The following TCF4 variants were observed in gnomAD, a reference collection of about 807,000 sequenced individuals.
The protein encoded by TCF4 is transcription factor 4, also known as SL3-3 enhancer factor 2.
In TCF4, 3 loss-of-function variants were observed where a neutral mutation model predicts 82.1. The ratio of observed to expected loss-of-function variants is 0.04; its 90% confidence interval spans 0.02 to 0.09. The LOEUF is 0.09. TCF4 is among the 10% of genes least tolerant of loss of function. The probability of loss-of-function intolerance (pLI) is 1.00; values close to 1 mark genes in which losing one functional copy is unlikely to be tolerated. For missense variants in TCF4, 518 were observed against 852.7 expected (o/e 0.61, Z 4.89); for synonymous variants, 276 against 309.6 (o/e 0.89, Z 1.14).
At chr18:55,366,122 G>A (rs2087043659) in intron 6 of TCF4, among the ~76,000 whole-genome samples, 1 of 151,672 alleles carries the variant, frequency 6.6e-6, no homozygotes, top group African/African-American at 2.4e-5. Flanking sequence ...TTATTTGAGG[G>A]GTTTAAAAAC....
At chr18:55,280,664 C>A (rs2062406768) in intron 8 of TCF4, among the ~76,000 whole-genome samples, 1 of 152,072 alleles carries the variant, frequency 6.6e-6, no homozygotes, top group Non-Finnish European at 1.5e-5. Flanking sequence ...TTGAAGCAGG[C>A]AGCGGCTCAC....
chr18:55,630,058 C>G (rs1374024527), intron 2 of TCF4, among the ~76,000 whole-genome samples: 2 of 152,082 alleles, frequency 1.3e-5, no homozygotes, highest in African/African-American at 4.8e-5. Context: ...TAATTTAAAC[C>G]ATTTTGAGCA....
intron 6 of TCF4, among the ~76,000 whole-genome samples, chr18:55,359,231 T>C (rs1283085603): frequency 6.6e-6 from 1 of 152,182 alleles, no homozygotes; most frequent in African/African-American, 2.4e-5. Context: ...TCTTTAATCT[T>C]GATCTCCACA....
Position 55,461,100 on chromosome 18 carries a change from T to C in TCF4, c.223A>G (p.Thr75Ala), listed in dbSNP as rs567398278. 2.7e-5 allele frequency: 43 copies of C among 1,612,604 alleles called. No individual in the cohort carries two copies. The South Asian group carries it at 4.3e-4, about 16-fold the overall frequency. ...CTGCTGGTCATGTGGTCATAGGGAGTCCCATCTCCATAGTTCTGTAAATAA... is the reference window on the plus strand; with the variant it reads ...CTGCTGGTCATGTGGTCATAGGGAGCCCCATCTCCATAGTTCTGTAAATAA... ...PSPSRNYGDGTPYDHMTSRDL... is the reference protein window; with the variant it reads ...PSPSRNYGDGAPYDHMTSRDL... The change falls in exon 5 of 20, where the codon ACT (threonine) becomes GCT (alanine). Residue 75 changes from threonine to alanine, a missense_variant. By Grantham distance (58) the Thr-to-Ala change is moderately conservative. Transcript: ENST00000354452.
At chr18:55,506,436 G>A (rs2096760842) in intron 3 of TCF4, among the ~76,000 whole-genome samples, 1 of 152,112 alleles carries the variant, frequency 6.6e-6, no homozygotes, top group South Asian at 2.1e-4. Flanking sequence ...TATTCAGATG[G>A]AATCATCCAA....
At chr18:55,528,412 AAT>A in intron 3 of TCF4, among the ~76,000 whole-genome samples, 1 of 152,318 alleles carries the variant, frequency 6.6e-6, no homozygotes, top group East Asian at 1.9e-4. Flanking sequence ...AAGTCTCTAT[AAT>A]ATACTGTGGA....
rs184961108 is a variant in TCF4, at chr18:55,426,975, C to G, written c.305-23457G>C. Among the ~76,000 whole-genome samples the G allele has an allele frequency of 5.0e-3, 763 of 152,176 alleles. 3 individuals carry two copies. Among genetic ancestry groups the G allele is most frequent in the Non-Finnish European group, 8.6e-3 (583 of 68,004 alleles). On this transcript the variant is annotated intron_variant, in intron 5 of 19. Coordinates refer to ENST00000354452, the MANE Select transcript of TCF4 (RefSeq NM_001083962.2). ...AATACAGTCTTTTACTTTTAAGGAGCTAAGGTTTCCTAGCTCCTGAATTAT... is the reference window on the plus strand; with the variant it reads ...AATACAGTCTTTTACTTTTAAGGAGGTAAGGTTTCCTAGCTCCTGAATTAT...
intron 1 of TCF4, among the ~76,000 whole-genome samples, chr18:55,587,760 A>G (rs571138302): frequency 6.6e-6 from 1 of 150,706 alleles, no homozygotes; most frequent in Non-Finnish European, 1.5e-5. Flanking sequence ...CTAATTGTCC[A>G]GCACCCTAAT....
At chr18:55,453,671 T>C (rs1457469802) in intron 5 of TCF4, among the ~76,000 whole-genome samples, 1 of 151,932 alleles carries the variant, frequency 6.6e-6, no homozygotes, top group African/African-American at 2.4e-5. Flanking sequence ...TATCACAGAG[T>C]AGGCCGGAAA....
intron 11 of TCF4, chr18:55,267,916 T>C (rs1273505477): frequency 6.6e-6 from 1 of 152,156 alleles, no homozygotes; most frequent in East Asian, 1.9e-4. Flanking sequence ...TCTCAGCATA[T>C]AGAAGTCACC....
chr18:55,450,311 T>C (rs1024958595), intron 5 of TCF4, among the ~76,000 whole-genome samples: 1 of 152,210 alleles, frequency 6.6e-6, no homozygotes, highest in African/African-American at 2.4e-5. Context: ...CAAATGATGC[T>C]TCCTTGCAAT....
Position 55,223,484 on chromosome 18 carries a change from C to T in TCF4, c.*4551G>A, listed in dbSNP as rs1323982659. 6.6e-6 allele frequency: 1 copy of T among 152,548 alleles called. No homozygotes were observed. The highest frequency in any genetic ancestry group is 1.5e-5 in the Non-Finnish European group (1 of 68,014). 9.4% of individuals were successfully genotyped at this position (152,548 alleles called of 1,614,324 possible). On this transcript the variant is annotated 3_prime_UTR_variant, in exon 20 of 20. Coordinates refer to ENST00000354452, the MANE Select transcript of TCF4 (RefSeq NM_001083962.2). ...AAATGGCACATTTATTGCTACAGAA[C>T]GGTCATGTACATGACTTCATCGAAT...
chr18:55,290,987 T>C (rs2064962219), intron 8 of TCF4, among the ~76,000 whole-genome samples: 1 of 152,218 alleles, frequency 6.6e-6, no homozygotes, highest in Admixed American at 6.5e-5. Flanking sequence ...AAAGTTCACA[T>C]CTTCATAGTA....
intron 2 of TCF4, among the ~76,000 whole-genome samples, chr18:55,620,444 A>C (rs541774062): frequency 6.6e-6 from 1 of 152,254 alleles, no homozygotes; most frequent in South Asian, 2.1e-4. Context: ...TGGTCTTGTG[A>C]GAGTACTGAG....
chr18:55,384,043 C>T (rs1173088247), intron 6 of TCF4: 2 of 152,230 alleles, frequency 1.3e-5, no homozygotes, highest in African/African-American at 2.4e-5. Flanking sequence ...CTAAGAAAGA[C>T]TCACAGTCAC....
intron 6 of TCF4, among the ~76,000 whole-genome samples, chr18:55,353,163 T>C (rs2082666645): frequency 6.6e-6 from 1 of 152,186 alleles, no homozygotes; most frequent in African/African-American, 2.4e-5. Flanking sequence ...ATTAAATGCA[T>C]TCAAGGGGTC....
At chr18:55,336,466 T>TA (rs1040734016) in intron 8 of TCF4, among the ~76,000 whole-genome samples, 1 of 152,120 alleles carries the variant, frequency 6.6e-6, no homozygotes, top group African/African-American at 2.4e-5. Flanking sequence ...TATTGTATGT[T>TA]AAAATAAATG....
intron 3 of TCF4, among the ~76,000 whole-genome samples, chr18:55,556,196 T>C (rs997601354): frequency 2.6e-5 from 4 of 152,190 alleles, no homozygotes; most frequent in Non-Finnish European, 5.9e-5. Context: ...CTCTTTGACT[T>C]TCAAAGGAGT....
chr18:55,522,772 G>A (rs1402917442), intron 3 of TCF4, among the ~76,000 whole-genome samples: 1 of 152,056 alleles, frequency 6.6e-6, no homozygotes, highest in East Asian at 1.9e-4. Context: ...TGAGAAACAT[G>A]TATTATTTTG....
Sources: allele counts gnomAD v4.1 joint callset (sites outside exome capture counted in the v4.1 genomes callset), GRCh38; gene constraint gnomAD v4.1.1; transcripts MANE v1.5; gene names NCBI Gene and HGNC (gene_info 2026-07-23, HGNC 2026-07-21).